Variants in NEK1 observed in about 807,000 individuals in gnomAD.
NEK1 encodes the protein NIMA related kinase 1, also known as serine/threonine-protein kinase Nek1.
A neutral mutation model predicts 182.1 loss-of-function variants in NEK1; 137 were observed. That is an observed-to-expected ratio of 0.75 (90% CI 0.65 to 0.87). The LOEUF (loss-of-function observed/expected upper bound fraction) is 0.87. Among genes scored for constraint, NEK1 ranks in the 40% least tolerant of loss-of-function variants. The probability of loss-of-function intolerance (pLI) is 0.00; values close to 1 mark genes in which losing one functional copy is unlikely to be tolerated. For missense variants in NEK1, 1,391 were observed against 1,494.4 expected (o/e 0.93, Z 1.14); for synonymous variants, 513 against 492.2 (o/e 1.04, Z -0.56).
In NEK1 at chr4:169,561,880, T is replaced by C. The variant is rs1011248911; in HGVS notation, c.1092A>G (p.Arg364=). ...TTTCAATAAATTCCAGCCTTCTCTTTCTTGCTGCTTCCTTAAATAAAAAAA... is the reference window on the plus strand; with the variant it reads ...TTTCAATAAATTCCAGCCTTCTCTTCCTTGCTGCTTCCTTAAATAAAAAAA... ...ERRKISEEAA[R]KRRLEFIEKE... Residue 364 remains arginine, a synonymous_variant, in exon 14 of 36, where the codon AGA becomes AGG. Coordinates refer to ENST00000507142, the MANE Select transcript of NEK1 (RefSeq NM_001199397.3). 6 of 1,604,050 alleles carry C rather than the reference T, an allele frequency of 3.7e-6. No homozygotes were observed. The African/African-American group carries it at 4.1e-5, about 11-fold the overall frequency.
chr4:169,601,431 A>C (rs753834966), intron 4 of NEK1, among the ~76,000 whole-genome samples: 2 of 152,210 alleles, frequency 1.3e-5, no homozygotes, highest in African/African-American at 2.4e-5. Context: ...CTGCATTATT[A>C]AATATAATGC....
chr4:169,550,903 T>C (rs183265679), intron 18 of NEK1, among the ~76,000 whole-genome samples: 133 of 152,344 alleles, frequency 8.7e-4, no homozygotes, highest in African/African-American at 3.1e-3. Flanking sequence ...GCTGAGCCTA[T>C]GCCCATGCCC....
At chr4:169,524,355 T>G (rs1044765666) in intron 19 of NEK1, among the ~76,000 whole-genome samples, 1 of 151,626 alleles carries the variant, frequency 6.6e-6, no homozygotes, top group African/African-American at 2.4e-5. Flanking sequence ...TCCCAGCTAC[T>G]TGGAAGGCTA....
intron 31 of NEK1, among the ~76,000 whole-genome samples, chr4:169,420,064 A>T (rs943810758): frequency 1.3e-5 from 2 of 152,182 alleles, no homozygotes; most frequent in Non-Finnish European, 2.9e-5. Context: ...AAATGTATTT[A>T]AAAATTTTCT....
chr4:169,516,413 A>G (rs1755252000), intron 19 of NEK1, among the ~76,000 whole-genome samples: 1 of 122,600 alleles, frequency 8.2e-6, no homozygotes, highest in Non-Finnish European at 1.6e-5. Context: ...GGCCTTTGTC[A>G]GATGAGTAGG....
chr4:169,501,335 T>C (rs913896462), intron 23 of NEK1, among the ~76,000 whole-genome samples: 11 of 152,132 alleles, frequency 7.2e-5, no homozygotes, highest in African/African-American at 2.4e-4. Flanking sequence ...ACTGATAGCA[T>C]TAAACTGATC....
intron 16 of NEK1, among the ~76,000 whole-genome samples, chr4:169,558,534 C>T (rs552293038): frequency 2.6e-5 from 4 of 152,168 alleles, no homozygotes; most frequent in Non-Finnish European, 5.9e-5. Flanking sequence ...AATATGTACT[C>T]TTTTATCTGG....
At chr4:169,495,976 C>T (rs572149214) in intron 23 of NEK1, among the ~76,000 whole-genome samples, 206 of 152,290 alleles carry the variant, frequency 1.4e-3, no homozygotes, top group African/African-American at 4.7e-3. Flanking sequence ...GGCATTGAAT[C>T]TATAAATTAC....
At chr4:169,470,477 C>A (rs1272859779) in intron 26 of NEK1, among the ~76,000 whole-genome samples, 1 of 152,190 alleles carries the variant, frequency 6.6e-6, no homozygotes, top group Non-Finnish European at 1.5e-5. Context: ...AGGGTTTTTG[C>A]AGAGAGATCT....
intron 31 of NEK1, 131 bp downstream of exon 31, chr4:169,424,422 T>C (rs1736007248): frequency 2.8e-6 from 3 of 1,054,438 alleles, no homozygotes; most frequent in Admixed American, 3.2e-5. Context: ...GCTCAGAAGA[T>C]GGAGGTTTTT....
chr4:169,608,589 G>A (rs569646704), intron 2 of NEK1, among the ~76,000 whole-genome samples: 10 of 152,188 alleles, frequency 6.6e-5, no homozygotes, highest in African/African-American at 2.4e-4. Context: ...CAATATTTTA[G>A]CTATTACAAC....
intron 19 of NEK1, among the ~76,000 whole-genome samples, chr4:169,530,487 C>A (rs1757502605): frequency 6.6e-6 from 1 of 152,006 alleles, no homozygotes; most frequent in Non-Finnish European, 1.5e-5. Flanking sequence ...TGATTTTGCC[C>A]AACTGTGGGC....
At chr4:169,421,031 A>C (rs1735403417) in intron 31 of NEK1, among the ~76,000 whole-genome samples, 1 of 152,212 alleles carries the variant, frequency 6.6e-6, no homozygotes, top group Admixed American at 6.5e-5. Context: ...TACCATATAA[A>C]GATTAAGCAT....
chr4:169,464,156 C>T (rs1744495117), intron 26 of NEK1, among the ~76,000 whole-genome samples: 1 of 149,962 alleles, frequency 6.7e-6, no homozygotes, highest in Non-Finnish European at 1.5e-5. Context: ...TTTTCTTACA[C>T]TTGTTCACAC....
At chr4:169,577,631 G>A (rs1181228683) in intron 11 of NEK1, among the ~76,000 whole-genome samples, 1 of 152,024 alleles carries the variant, frequency 6.6e-6, no homozygotes, top group African/African-American at 2.4e-5. Flanking sequence ...GTGGGCGCCT[G>A]TAGTCCCAGC....
chr4:169,544,439 G>A (rs1418389640), intron 18 of NEK1, among the ~76,000 whole-genome samples: 8 of 151,964 alleles, frequency 5.3e-5, no homozygotes, highest in Non-Finnish European at 1.0e-4. Flanking sequence ...TTTTTTTGCT[G>A]TGTCTCTGCC....
At chr4:169,573,953 G>A (rs895864297) in intron 12 of NEK1, among the ~76,000 whole-genome samples, 1 of 151,978 alleles carries the variant, frequency 6.6e-6, no homozygotes, top group Admixed American at 6.6e-5. Context: ...TTGAGCCCAG[G>A]AGTTTGAGAC....
At chr4:169,569,310 A>G (rs924314666) in intron 12 of NEK1, among the ~76,000 whole-genome samples, 27 of 152,204 alleles carry the variant, frequency 1.8e-4, no homozygotes, top group African/African-American at 6.5e-4. Flanking sequence ...ATAATTGTAC[A>G]TATTTATGGG....
intron 12 of NEK1, among the ~76,000 whole-genome samples, chr4:169,562,606 A>G (rs1763085863): frequency 6.6e-6 from 1 of 152,140 alleles, no homozygotes; most frequent in Admixed American, 6.5e-5. Flanking sequence ...CTCCACCTCC[A>G]GAGTAACGGT....
Sources: gnomAD v4.1 joint callset for allele counts (sites outside exome capture counted in the v4.1 genomes callset) on GRCh38, gnomAD v4.1.1 for gene constraint, MANE v1.5 for transcripts, NCBI Gene and HGNC (gene_info 2026-07-23, HGNC 2026-07-21) for gene names.